Variants in PROM1 observed in about 807,000 individuals in gnomAD.
PROM1 encodes prominin-1.
In PROM1, 105 loss-of-function variants were observed where a neutral mutation model predicts 116.9. The ratio of observed to expected loss-of-function variants is 0.90; its 90% CI spans 0.77 to 1.06. The LOEUF is 1.06. Among genes scored for constraint, PROM1 ranks in the 50% least tolerant of loss-of-function variants. The pLI, the probability that PROM1 is intolerant of heterozygous loss-of-function variation, is 0.00. For missense variants in PROM1, 1,122 were observed against 1,045.2 expected, an observed-to-expected ratio of 1.07 and a Z score of -1.01; for synonymous variants, 393 against 387.0, an observed-to-expected ratio of 1.02 and a Z score of -0.18.
intron 13 of PROM1, among the ~76,000 whole-genome samples, chr4:16,005,013 G>A (rs189673740): frequency 7.1e-6 from 1 of 141,134 alleles, no homozygotes; most frequent in East Asian, 2.1e-4. Context: ...CCAGGTTGGA[G>A]TGCAGTTGGC....
At chr4:16,059,669 A>G (rs1428195313) in intron 2 of PROM1, among the ~76,000 whole-genome samples, 1 of 152,244 alleles carries the variant, frequency 6.6e-6, no homozygotes, top group Non-Finnish European at 1.5e-5. Flanking sequence ...GTGTCACTGC[A>G]GTCCAGCCTC....
intron 2 of PROM1, among the ~76,000 whole-genome samples, chr4:16,046,326 C>A (rs1339517016): frequency 2.6e-5 from 4 of 152,228 alleles, no homozygotes; most frequent in African/African-American, 9.7e-5. Flanking sequence ...GTAACTCTCC[C>A]TCTGAGTCTT....
At chr4:16,074,698 C>A (rs1011265365) in intron 2 of PROM1, among the ~76,000 whole-genome samples, 9 of 152,090 alleles carry the variant, frequency 5.9e-5, no homozygotes, top group Non-Finnish European at 1.0e-4. Flanking sequence ...TGTTAAAAAA[C>A]CAATACAAAT....
At chr4:16,075,411 T>C (rs988561432) in intron 2 of PROM1, among the ~76,000 whole-genome samples, 1 of 152,210 alleles carries the variant, frequency 6.6e-6, no homozygotes, top group Non-Finnish European at 1.5e-5. Flanking sequence ...TTCATTGCTC[T>C]AACCCAAACA....
intron 12 of PROM1, 68 bp downstream of exon 12, chr4:16,008,881 G>T: frequency 1.4e-6 from 2 of 1,416,688 alleles, no homozygotes; most frequent in East Asian, 2.3e-5. Context: ...TGGTGCTAAT[G>T]TCAGATTTTT....
chr4:16,070,530 G>A (rs1236000580), intron 2 of PROM1, among the ~76,000 whole-genome samples: 1 of 152,146 alleles, frequency 6.6e-6, no homozygotes, highest in African/African-American at 2.4e-5. Context: ...ATTTGGACTG[G>A]TCTGTTGGGG....
At chr4:15,984,824 A>G (rs566172631) in intron 22 of PROM1, among the ~76,000 whole-genome samples, 8 of 152,364 alleles carry the variant, frequency 5.3e-5, no homozygotes, top group Non-Finnish European at 1.2e-4. Flanking sequence ...ATTATATATT[A>G]CAATGTATTA....
At chr4:15,985,725 C>A in intron 22 of PROM1, 35 bp downstream of exon 22, 2 of 1,377,558 alleles carry the variant, frequency 1.5e-6, no homozygotes, top group Non-Finnish European at 1.0e-6. Flanking sequence ...TGAAACTTGA[C>A]CCCCCTTAAC....
intron 1 of PROM1, among the ~76,000 whole-genome samples, chr4:16,079,043 A>G (rs1180250215): frequency 6.6e-6 from 1 of 151,838 alleles, no homozygotes; most frequent in East Asian, 1.9e-4. Context: ...GGCTCCCTTC[A>G]AACATCTACT....
chr4:15,981,825 C>A (rs922051111), intron 23 of PROM1, among the ~76,000 whole-genome samples: 5 of 152,170 alleles, frequency 3.3e-5, no homozygotes, highest in African/African-American at 1.2e-4. Flanking sequence ...TAGTTGCCAA[C>A]ATTTTTAAGT....
chr4:16,068,759 T>C lies in PROM1; in HGVS notation c.220+6928A>G, dbSNP rs548220083. Reference sequence around the variant, plus strand: ...TGTTACCTGTAATGGAGGGAGCTCTTATACTCACTATAACATCCTGATGGC... The same window carrying C: ...TGTTACCTGTAATGGAGGGAGCTCTCATACTCACTATAACATCCTGATGGC... On this transcript the variant is annotated intron_variant, in intron 2 of 27. Coordinates refer to ENST00000447510, the MANE Select transcript of PROM1 (RefSeq NM_006017.3). 2.2e-4 allele frequency among the ~76,000 whole-genome samples: 33 copies of C among 152,298 alleles called. No individual in the cohort carries two copies. In the South Asian group the frequency reaches 4.6e-3, roughly 21 times the overall value.
At position 16,025,181 on chromosome 4, in the gene PROM1, A is replaced by G. The variant is rs747806930; in HGVS notation, c.630+11T>C. On this transcript the variant is annotated intron_variant, in intron 6 of 27. Transcript: ENST00000447510. ...TAAAGCATCGCGGTACATAGAGATG[A>G]TGGTTTTTACCTCTGGAGTTTCATT... is the stretch of plus-strand genomic sequence containing the variant. The G allele has an allele frequency of 6.2e-7, 1 of 1,613,010 alleles. No homozygotes were observed. Among genetic ancestry groups the G allele is most frequent in the Admixed American group, 1.7e-5 (1 of 59,958 alleles).
At chr4:16,079,017 C>T (rs1457970274) in intron 1 of PROM1, among the ~76,000 whole-genome samples, 2 of 152,170 alleles carry the variant, frequency 1.3e-5, no homozygotes, top group Non-Finnish European at 2.9e-5. Context: ...ACACCTTGAC[C>T]CTGGTGTTTC....
Position 15,985,527 on chromosome 4 carries a change from G to A in PROM1, c.2280+233C>T, listed in dbSNP as rs73122426. On this transcript the variant is annotated intron_variant, in intron 22 of 27. Transcript: ENST00000447510. ...CTTTGTTACCTGAAAAAGGGGGTGG[G>A]AAGCAAATGGAAGAACTGCATATGG... 3.9e-3 allele frequency: 1,906 copies of A among 486,774 alleles called. 42 individuals carry two copies. Among genetic ancestry groups the A allele is most frequent in the African/African-American group, 0.035 (1,711 of 49,580 alleles). The allele number at this position is 486,774 out of a possible 1,614,324, so 30.2% of individuals were successfully genotyped here.
intron 26 of PROM1, among the ~76,000 whole-genome samples, chr4:15,975,998 C>T (rs1191241619): frequency 1.3e-5 from 2 of 152,212 alleles, no homozygotes; most frequent in Non-Finnish European, 2.9e-5. Context: ...TTCAAGTGTG[C>T]TGTGGACCGT....
At chr4:16,009,445 A>G (rs1469988040) in intron 11 of PROM1, among the ~76,000 whole-genome samples, 1 of 152,198 alleles carries the variant, frequency 6.6e-6, no homozygotes, top group Non-Finnish European at 1.5e-5. Context: ...ATAGTAACTC[A>G]TTTATTTCAC....
chr4:16,063,432 C>A (rs894010088), intron 2 of PROM1, among the ~76,000 whole-genome samples: 1 of 152,048 alleles, frequency 6.6e-6, no homozygotes, highest in Admixed American at 6.6e-5. Flanking sequence ...CCCGCTTCTA[C>A]CAAAAATACA....
At chr4:16,063,987 T>C (rs1399208838) in intron 2 of PROM1, among the ~76,000 whole-genome samples, 1 of 152,222 alleles carries the variant, frequency 6.6e-6, no homozygotes, top group African/African-American at 2.4e-5. Context: ...CTCCTACTTT[T>C]ATACATATTT....
chr4:16,004,956 G>A (rs1484580816), intron 13 of PROM1, among the ~76,000 whole-genome samples: 103 of 47,644 alleles, frequency 2.2e-3, no homozygotes, highest in African/African-American at 7.9e-3. Context: ...TTTATTTCTC[G>A]CTCTCTCTTT....
Sources: gnomAD v4.1 joint callset for allele counts (sites outside exome capture counted in the v4.1 genomes callset) on GRCh38, gnomAD v4.1.1 for gene constraint, MANE v1.5 for transcripts, NCBI Gene and HGNC (gene_info 2026-07-23, HGNC 2026-07-21) for gene names.